LNX1: variants seen among roughly 807,000 people sequenced by gnomAD.
LNX1 encodes ligand of numb-protein X 1.
A neutral mutation model predicts 68.4 loss-of-function variants in LNX1; 54 were observed. The ratio of observed to expected loss-of-function variants is 0.79; its 90% CI spans 0.63 to 0.99. LNX1 has a LOEUF of 0.99. Ranked by LOEUF, LNX1 falls within the 50% of genes least tolerant of loss-of-function variation. The pLI is 0.00. For synonymous variants in LNX1, 336 were observed against 350.0 expected (o/e 0.96, Z 0.45); for missense variants, 906 against 926.4 (o/e 0.98, Z 0.29).
chr4:53,508,353 G>A lies in LNX1; in HGVS notation c.381-126C>T, dbSNP rs571183313. The A allele has an allele frequency of 1.1e-5, 13 of 1,159,138 alleles. 1 individual carries two copies. The South Asian group carries it at 2.0e-4, about 18-fold the overall frequency. 71.8% of individuals were successfully genotyped at this position (1,159,138 alleles called of 1,614,324 possible). A position where few individuals can be genotyped will look rare whatever the true frequency, so the allele number is the denominator to read the frequency against. On this transcript the variant is annotated intron_variant, in intron 2 of 10. Transcript: ENST00000263925. Reference sequence around the variant, plus strand: ...GTTGAACTTGGAATTTGATTTGCCTGCCGCTATATCCTCTCTTCCCTTTTC... The same window carrying A: ...GTTGAACTTGGAATTTGATTTGCCTACCGCTATATCCTCTCTTCCCTTTTC...
At position 53,476,865 on chromosome 4, in the gene LNX1, CTT is replaced by C. The variant is rs1226612839; in HGVS notation, c.1778_1779del (p.Lys593ArgfsTer3). 1 of 1,614,206 alleles carries C rather than the reference CTT, an allele frequency of 6.2e-7. No homozygotes were observed. Among genetic ancestry groups the C allele is most frequent in the South Asian group, 1.1e-5 (1 of 91,090 alleles). ...SSIVLKALEV[K>X]EYEPQEDCSS... ...CTGCAGTCTTCCTGGGGCTCATACT[CTT>C]TGACTTCCAAAGCTTTGAGTACTAT... is the stretch of plus-strand genomic sequence containing the variant. On this transcript the variant is annotated frameshift_variant, in exon 9 of 11. Coordinates refer to ENST00000263925, the MANE Select transcript of LNX1 (RefSeq NM_001126328.3). LOFTEE classifies it high-confidence loss of function.
intron 2 of LNX1, among the ~76,000 whole-genome samples, chr4:53,562,867 C>T (rs762348787): frequency 6.6e-6 from 1 of 152,090 alleles, no homozygotes; most frequent in Non-Finnish European, 1.5e-5. Flanking sequence ...TATTTTAAAA[C>T]ATCATATTGT....
intron 9 of LNX1, among the ~76,000 whole-genome samples, chr4:53,469,685 A>G (rs1579357789): frequency 6.6e-6 from 1 of 152,216 alleles, no homozygotes; most frequent in African/African-American, 2.4e-5. Flanking sequence ...CAGAAATACA[A>G]ATTACCATCA....
At chr4:53,622,519 G>C (rs75962210) in intron 1 of LNX1, among the ~76,000 whole-genome samples, 1 of 152,074 alleles carries the variant, frequency 6.6e-6, no homozygotes, top group African/African-American at 2.4e-5. Context: ...CCCAGGGCTA[G>C]CAATGGACCA....
intron 1 of LNX1, among the ~76,000 whole-genome samples, chr4:53,578,063 A>G (rs1000249368): frequency 6.6e-6 from 1 of 152,164 alleles, no homozygotes; most frequent in Non-Finnish European, 1.5e-5. Context: ...AATCACACCA[A>G]AAAAAGAAAC....
intron 2 of LNX1, among the ~76,000 whole-genome samples, chr4:53,516,196 T>G (rs1250725336): frequency 2.0e-5 from 3 of 152,144 alleles, no homozygotes; most frequent in Non-Finnish European, 4.4e-5. Context: ...AGGCCATGAC[T>G]GGGCTACTGC....
rs1246415505 is a variant in LNX1, at chr4:53,468,661, GA to G, written c.1893-7069del. Among the ~76,000 whole-genome samples, 5 of 151,620 alleles carry G rather than the reference GA, an allele frequency of 3.3e-5. No individual in the cohort carries two copies. The East Asian group carries it at 9.7e-4, about 29-fold the overall frequency. ...TGGAAGAAGATCTACCAAGCAAATGGAAAACAAAAAAAGACAGGGGTTGCAA... is the reference window on the plus strand; with the variant it reads ...TGGAAGAAGATCTACCAAGCAAATGGAAACAAAAAAAGACAGGGGTTGCAA... On this transcript the variant is annotated intron_variant, in intron 9 of 10. Coordinates refer to ENST00000263925, the MANE Select transcript of LNX1 (RefSeq NM_001126328.3).
upstream of LNX1, among the ~76,000 whole-genome samples, chr4:53,620,831 C>T (rs536690626): frequency 7.2e-5 from 11 of 152,274 alleles, no homozygotes; most frequent in African/African-American, 2.4e-4. Context: ...CACAGTGCAG[C>T]ACGCTCTAAA....
intron 1 of LNX1, among the ~76,000 whole-genome samples, chr4:53,616,929 A>G (rs1304503786): frequency 1.3e-5 from 2 of 152,216 alleles, no homozygotes; most frequent in East Asian, 3.8e-4. Flanking sequence ...ATAGTCATTT[A>G]TAAAAGTTCC....
At chr4:53,470,683 T>C (rs1378291776) in intron 9 of LNX1, among the ~76,000 whole-genome samples, 1 of 152,176 alleles carries the variant, frequency 6.6e-6, no homozygotes, top group Non-Finnish European at 1.5e-5. Context: ...CAAGCATTCT[T>C]ATACACCAAT....
chr4:53,460,686 G>C lies in LNX1; in HGVS notation c.*221C>G. 2.1e-6 allele frequency: 1 copy of C among 482,016 alleles called. No homozygotes were observed. Among genetic ancestry groups the C allele is most frequent in the Non-Finnish European group, 3.6e-6 (1 of 277,858 alleles). The allele number at this position is 482,016 out of a possible 1,614,324, so 29.9% of individuals were successfully genotyped here. A position where few individuals can be genotyped will look rare whatever the true frequency, so the allele number is the denominator to read the frequency against. On this transcript the variant is annotated 3_prime_UTR_variant, in exon 11 of 11. Transcript: ENST00000263925. ...GAAAAAATATAAACAATGTTGTAGA[G>C]TAATGAGAAATCCTCCACACTGAAA...
At chr4:53,533,660 A>C (rs1014760881) in intron 2 of LNX1, among the ~76,000 whole-genome samples, 2 of 152,196 alleles carry the variant, frequency 1.3e-5, no homozygotes, top group African/African-American at 2.4e-5. Flanking sequence ...TCGGCCTCCC[A>C]AAGTGCTGGG....
Position 53,496,251 on chromosome 4 carries a change from T to A in LNX1, c.1122A>T (p.Arg374Ser). The stretch of plus-strand genomic sequence containing the variant: ...TCACATGAAAGCTGTCATCTCGGGG[T>A]CTGTAGGCATCCGGGGCCTGTCCAT... ...RNNGQAPDAY[R>S]PRDDSFHVIL... The change falls in exon 6 of 11, where the codon AGA becomes AGT. Residue 374 changes from arginine to serine, a missense_variant. Coordinates refer to ENST00000263925, the MANE Select transcript of LNX1 (RefSeq NM_001126328.3). 1.2e-6 allele frequency: 2 copies of A among 1,613,946 alleles called. No homozygotes were observed. The highest frequency in any genetic ancestry group is 1.7e-6 in the Non-Finnish European group (2 of 1,179,982).
intron 2 of LNX1, among the ~76,000 whole-genome samples, chr4:53,611,556 G>A (rs1407815472): frequency 2.0e-5 from 3 of 152,096 alleles, no homozygotes; most frequent in Non-Finnish European, 4.4e-5. Context: ...AATAAGTAGA[G>A]ATGGAGTAAG....
At chr4:53,539,763 A>C (rs1226542488) in intron 2 of LNX1, among the ~76,000 whole-genome samples, 1 of 152,212 alleles carries the variant, frequency 6.6e-6, no homozygotes, top group African/African-American at 2.4e-5. Context: ...TGTTACCCAA[A>C]ACCCACACTA....
intron 2 of LNX1, among the ~76,000 whole-genome samples, chr4:53,559,614 C>T (rs1009711930): frequency 2.0e-5 from 3 of 152,126 alleles, no homozygotes; most frequent in African/African-American, 7.2e-5. Context: ...CCATAAACAA[C>T]AAAGGGCTTA....
In LNX1 at chr4:53,471,128, G is replaced by C. The variant is rs1414942753; in HGVS notation, c.1892+5625C>G. On this transcript the variant is annotated intron_variant, in intron 9 of 10. Coordinates refer to ENST00000263925, the MANE Select transcript of LNX1 (RefSeq NM_001126328.3). ...ACAGTAACCAAAACAGCATGGTACT[G>C]GTACCAAAACAGAGATATAGACCAA... 2.8e-5 allele frequency among the ~76,000 whole-genome samples: 4 copies of C among 142,376 alleles called. No homozygotes were observed. In the East Asian group the frequency reaches 8.1e-4, roughly 29 times the overall value. The allele number at this position is 142,376 out of a possible 152,430, so 93.4% of individuals were successfully genotyped here.
chr4:53,508,844 A>G lies in LNX1; in HGVS notation c.381-617T>C, dbSNP rs139119930. 8.9e-3 allele frequency among the ~76,000 whole-genome samples: 1,349 copies of G among 152,298 alleles called. 27 individuals carry two copies. The highest frequency in any genetic ancestry group is 0.031 in the African/African-American group (1,283 of 41,548). On this transcript the variant is annotated intron_variant, in intron 2 of 10. Coordinates refer to ENST00000263925, the MANE Select transcript of LNX1 (RefSeq NM_001126328.3). ...GGGCTCCCATGATCTGAGAAGTGTC[A>G]TTCATTGCCATGTTGTCTACCATTA...
rs1413882123 is a variant in LNX1, at chr4:53,609,724, A to AATATATAATATACTATTATATATT, written c.-215+6769_-215+6792dup. On this transcript the variant is annotated intron_variant, in intron 2 of 3. Coordinates refer to the LNX1 transcript ENST00000504299. ...ATAGTACTATTATAATATATAGTAC[A>AATATATAATATACTATTATATATT]ATATATAATATACTATTATATATTA... is the stretch of plus-strand genomic sequence containing the variant. 6.3e-3 allele frequency among the ~76,000 whole-genome samples: 902 copies of AATATATAATATACTATTATATATT among 142,266 alleles called. 12 individuals carry two copies. Among genetic ancestry groups the AATATATAATATACTATTATATATT allele is most frequent in the Non-Finnish European group, 0.011 (697 of 65,726 alleles). 93.3% of individuals were successfully genotyped at this position (142,266 alleles called of 152,430 possible).
Sources: allele counts gnomAD v4.1 joint callset (sites outside exome capture counted in the v4.1 genomes callset), GRCh38; gene constraint gnomAD v4.1.1; transcripts MANE v1.5; gene names NCBI Gene and HGNC (gene_info 2026-07-23, HGNC 2026-07-21).